Variants in ZFP82 observed in about 807,000 individuals in gnomAD.
ZFP82 encodes ZFP82 zinc finger protein.
Under a neutral mutation model 54.0 loss-of-function variants are expected in ZFP82, and 30 were observed. The ratio of observed to expected loss-of-function variants is 0.56; its 90% CI spans 0.42 to 0.75. The LOEUF (loss-of-function observed/expected upper bound fraction) is 0.75. ZFP82 is among the 30% of genes least tolerant of loss of function. The pLI is 0.00. For missense variants in ZFP82, 500 were observed against 636.8 expected (o/e 0.79, Z 2.31); for synonymous variants, 194 against 209.5 (o/e 0.93, Z 0.64).
chr19:36,414,152 G>A (rs887566826), intron 1 of ZFP82, among the ~76,000 whole-genome samples: 1 of 151,846 alleles, frequency 6.6e-6, no homozygotes, highest in Non-Finnish European at 1.5e-5. Context: ...CGCCCGCCTT[G>A]GCCTCCCAAA....
chr19:36,384,653 G>A (rs1226578100), downstream of ZFP82, among the ~76,000 whole-genome samples: 1 of 152,098 alleles, frequency 6.6e-6, no homozygotes, highest in African/African-American at 2.4e-5. Flanking sequence ...AGTGTTCTGT[G>A]GAACATAGTT....
intron 1 of ZFP82, among the ~76,000 whole-genome samples, chr19:36,418,227 C>T (rs1004340917): frequency 6.6e-6 from 1 of 151,938 alleles, no homozygotes; most frequent in Non-Finnish European, 1.5e-5. Flanking sequence ...CTAGTCTGCG[C>T]GTTTCTGCTG....
At chr19:36,397,539 A>G (rs2032316772) in intron 4 of ZFP82, among the ~76,000 whole-genome samples, 1 of 151,984 alleles carries the variant, frequency 6.6e-6, no homozygotes. Flanking sequence ...AAATTTGAAA[A>G]CACAGCTAAA....
chr19:36,396,279 G>A (rs2032291951), intron 4 of ZFP82, among the ~76,000 whole-genome samples: 1 of 152,072 alleles, frequency 6.6e-6, no homozygotes, highest in African/African-American at 2.4e-5. Flanking sequence ...CACTTGAGGA[G>A]GCCAAGGCAG....
At chr19:36,402,468 CAAAAAA>C (rs377338348) in intron 4 of ZFP82, among the ~76,000 whole-genome samples, 6 of 57,446 alleles carry the variant, frequency 1.0e-4, no homozygotes, top group Admixed American at 2.8e-4. Context: ...GACTCCATCT[CAAAAAA>C]AAAAAAAAAA....
intron 4 of ZFP82, among the ~76,000 whole-genome samples, chr19:36,400,868 C>T (rs1215366814): frequency 6.6e-6 from 1 of 152,064 alleles, no homozygotes; most frequent in African/African-American, 2.4e-5. Flanking sequence ...TTGTTACTGC[C>T]TCACAAACCC....
intron 2 of ZFP82, among the ~76,000 whole-genome samples, chr19:36,408,745 G>C (rs2032527466): frequency 6.6e-6 from 1 of 151,900 alleles, no homozygotes; most frequent in Admixed American, 6.6e-5. Context: ...TTGAATCCAG[G>C]AGCAGAGGTT....
rs1265280716 is a variant in ZFP82 at position 36,393,339 on chromosome 19, C to A, written c.1001G>T (p.Gly334Val). 6.2e-7 allele frequency: 1 copy of A among 1,613,768 alleles called. No individual in the cohort carries two copies. Among genetic ancestry groups the A allele is most frequent in the Non-Finnish European group, 8.5e-7 (1 of 1,179,980 alleles). Residue 334 changes from glycine to valine, a missense_variant, in exon 5 of 5, where the codon GGT becomes GTT. Gly to Val is a moderately radical substitution (Grantham distance 109). Coordinates refer to ENST00000392161, the MANE Select transcript of ZFP82 (RefSeq NM_133466.4). ...GLRVHHKLHTGEKPYECKECG... is the reference protein window; with the variant it reads ...GLRVHHKLHTVEKPYECKECG... ...TTCCTTACATTCATAGGGTTTCTCA[C>A]CAGTATGAAGTTTGTGATGTACTCT...
In ZFP82 at chr19:36,409,849, C is replaced by G; in HGVS notation, c.-60G>C. 1.9e-6 allele frequency: 3 copies of G among 1,593,914 alleles called. No homozygotes were observed. The highest frequency in any genetic ancestry group is 2.6e-6 in the Non-Finnish European group (3 of 1,162,208). ...GGGGTTTACTTGCCAGGAGAAGCAC[C>G]GAGTCCACAGAGGCTGATCTAGGGA... On this transcript the variant is annotated 5_prime_UTR_variant, in exon 2 of 5. Coordinates refer to ENST00000392161, the MANE Select transcript of ZFP82 (RefSeq NM_133466.4).
chr19:36,397,547 A>G (rs1449404536), intron 4 of ZFP82, among the ~76,000 whole-genome samples: 2 of 151,814 alleles, frequency 1.3e-5, no homozygotes, highest in African/African-American at 4.9e-5. Context: ...AAACACAGCT[A>G]AAATGGATAA....
At chr19:36,387,642 A>G (rs1444245071), downstream of ZFP82, among the ~76,000 whole-genome samples, 1 of 152,138 alleles carries the variant, frequency 6.6e-6, no homozygotes, top group Non-Finnish European at 1.5e-5. Context: ...CTTGAGATGG[A>G]GTTTTGCTCC....
At chr19:36,406,383 GGTCACTGGCA>G (rs1036088025) in intron 3 of ZFP82, among the ~76,000 whole-genome samples, 1 of 152,056 alleles carries the variant, frequency 6.6e-6, no homozygotes, top group Non-Finnish European at 1.5e-5. Context: ...TATCCCTATT[GGTCACTGGCA>G]GTCAATCCTC....
intron 2 of ZFP82, among the ~76,000 whole-genome samples, chr19:36,408,546 G>A (rs1264491532): frequency 1.3e-5 from 2 of 152,138 alleles, no homozygotes; most frequent in Admixed American, 6.5e-5. Context: ...TAGGCCAGGC[G>A]CAGTGGCTCA....
intron 3 of ZFP82, among the ~76,000 whole-genome samples, chr19:36,406,329 C>T (rs1190486538): frequency 3.9e-5 from 6 of 152,106 alleles, no homozygotes; most frequent in South Asian, 2.1e-4. Context: ...GTTGTGCAAA[C>T]GTCACCATAA....
intron 4 of ZFP82, chr19:36,394,349 GT>G: frequency 2.2e-6 from 1 of 461,358 alleles, no homozygotes. Flanking sequence ...ATATTGAGGT[GT>G]GGATCAGAAT....
intron 3 of ZFP82, among the ~76,000 whole-genome samples, chr19:36,406,391 G>A (rs1487274630): frequency 6.6e-6 from 1 of 152,094 alleles, no homozygotes; most frequent in Non-Finnish European, 1.5e-5. Context: ...TTGGTCACTG[G>A]CAGTCAATCC....
chr19:36,392,943 G>GT lies in ZFP82; in HGVS notation c.1396dup (p.Thr466AsnfsTer14). ...GCCAGTATGAATGCTCTGATGTAGA[G>GT]TAAGTTTTTGGCGCAATCTAAAGGC... On this transcript the variant is annotated frameshift_variant, in exon 5 of 5. Coordinates refer to ENST00000392161, the MANE Select transcript of ZFP82 (RefSeq NM_133466.4). LOFTEE classifies it high-confidence loss of function. The GT allele has an allele frequency of 1.2e-6, 2 of 1,613,996 alleles. No homozygotes were observed. Among genetic ancestry groups the GT allele is most frequent in the Non-Finnish European group, 1.7e-6 (2 of 1,179,966 alleles).
chr19:36,400,529 TCTTTTTCA>T (rs1213866963), intron 4 of ZFP82, among the ~76,000 whole-genome samples: 2 of 152,308 alleles, frequency 1.3e-5, no homozygotes, highest in East Asian at 3.9e-4. Context: ...CTATTGATCT[TCTTTTTCA>T]CTGAGAAAAC....
At chr19:36,416,471 C>A (rs2032670249) in intron 1 of ZFP82, among the ~76,000 whole-genome samples, 2 of 152,016 alleles carry the variant, frequency 1.3e-5, no homozygotes, top group African/African-American at 4.8e-5. Flanking sequence ...AATTCCTGTT[C>A]TATGGCCGGG....
Sources: allele counts gnomAD v4.1 joint callset (sites outside exome capture counted in the v4.1 genomes callset), GRCh38; gene constraint gnomAD v4.1.1; transcripts MANE v1.5; gene names NCBI Gene and HGNC (gene_info 2026-07-23, HGNC 2026-07-21).